SPPL2A: variants seen among roughly 807,000 people sequenced by gnomAD.
SPPL2A encodes the protein signal peptide peptidase like 2A, also known as signal peptide peptidase-like 2A.
A neutral mutation model predicts 63.8 loss-of-function variants in SPPL2A; 51 were observed. The ratio of observed to expected loss-of-function variants is 0.80; its 90% confidence interval spans 0.64 to 1.01. The LOEUF (loss-of-function observed/expected upper bound fraction) is 1.01. Among genes scored for constraint, SPPL2A ranks in the 50% least tolerant of loss-of-function variants. SPPL2A has a pLI of 0.00. For synonymous variants in SPPL2A, 188 were observed against 205.8 expected, an observed-to-expected ratio of 0.91 and a Z score of 0.74; for missense variants, 553 against 622.7, an observed-to-expected ratio of 0.89 and a Z score of 1.19.
At chr15:50,735,502 C>T (rs1230819755) in intron 8 of SPPL2A, among the ~76,000 whole-genome samples, 2 of 149,778 alleles carry the variant, frequency 1.3e-5, no homozygotes, top group African/African-American at 4.9e-5. Flanking sequence ...TGTATATATA[C>T]ACACACACAC....
rs373747856 is a variant in SPPL2A at position 50,748,728 on chromosome 15, C to T, written c.320G>A (p.Gly107Glu). ...FLEKARIAQK[G>E]GAEAMLVVNN... ...GACAACTAACATTGCTTCAGCACCTCCTTTCTGTGCAATTCTGGCTTTTTC... is the reference window on the plus strand; with the variant it reads ...GACAACTAACATTGCTTCAGCACCTTCTTTCTGTGCAATTCTGGCTTTTTC... The change falls in exon 3 of 15, where the codon GGA becomes GAA. Residue 107 changes from glycine (G) to glutamate (E), a missense_variant. Gly to Glu is a moderately conservative substitution (Grantham distance 98). Coordinates refer to ENST00000261854, the MANE Select transcript of SPPL2A (RefSeq NM_032802.4). 6.2e-7 allele frequency: 1 copy of T among 1,611,096 alleles called. No individual in the cohort carries two copies. The highest frequency in any genetic ancestry group is 8.5e-7 in the Non-Finnish European group (1 of 1,178,928).
At chr15:50,735,607 T>C (rs1436523582) in intron 8 of SPPL2A, among the ~76,000 whole-genome samples, 3 of 152,088 alleles carry the variant, frequency 2.0e-5, no homozygotes, top group Non-Finnish European at 4.4e-5. Flanking sequence ...TTGCCCAGGC[T>C]GGAGTGCAAT....
At chr15:50,736,366 G>C (rs1229714907) in intron 7 of SPPL2A, among the ~76,000 whole-genome samples, 164 bp from the exon 8 acceptor site, 1 of 152,158 alleles carries the variant, frequency 6.6e-6, no homozygotes, top group East Asian at 1.9e-4. Flanking sequence ...ATGTTTATCA[G>C]TCCAATATAA....
intron 14 of SPPL2A, among the ~76,000 whole-genome samples, chr15:50,712,176 C>G (rs914138808): frequency 6.6e-6 from 1 of 152,148 alleles, no homozygotes; most frequent in African/African-American, 2.4e-5. Flanking sequence ...ACAGCTAATA[C>G]TTAGTGAGGG....
At chr15:50,724,731 G>A (rs1255027526) in intron 12 of SPPL2A, among the ~76,000 whole-genome samples, 1 of 152,198 alleles carries the variant, frequency 6.6e-6, no homozygotes, top group Non-Finnish European at 1.5e-5. Context: ...TGTCAGAGCA[G>A]ACATGCTAAG....
rs1353253873 is a variant in SPPL2A at position 50,725,144 on chromosome 15, T to A, written c.1249+77A>T. On this transcript the variant is annotated intron_variant, in intron 12 of 14. Coordinates refer to ENST00000261854, the MANE Select transcript of SPPL2A (RefSeq NM_032802.4). ...ATAGTTAATACAGAGTAGGTAACTT[T>A]TAACAGATTCTATACATATGACGAT... The A allele has an allele frequency of 3.3e-6, 3 of 903,650 alleles. No homozygotes were observed. In the African/African-American group the frequency reaches 5.1e-5, roughly 15 times the overall value. 56.0% of individuals were successfully genotyped at this position (903,650 alleles called of 1,614,324 possible). A position where few individuals can be genotyped will look rare whatever the true frequency, so the allele number is the denominator to read the frequency against.
intron 1 of SPPL2A, among the ~76,000 whole-genome samples, chr15:50,765,005 G>T (rs761038336): frequency 1.3e-5 from 2 of 151,984 alleles, no homozygotes; most frequent in Admixed American, 1.3e-4. Flanking sequence ...AGACATCCGT[G>T]TTAGTGCAAT....
chr15:50,742,584 C>G (rs2062830933), intron 5 of SPPL2A: 3 of 152,040 alleles, frequency 2.0e-5, no homozygotes, highest in African/African-American at 7.2e-5. Flanking sequence ...AAATGATGGG[C>G]CTTATGTTTT....
At chr15:50,765,350 A>T in intron 1 of SPPL2A, 118 bp downstream of exon 1, 2 of 645,186 alleles carry the variant, frequency 3.1e-6, no homozygotes, top group Non-Finnish European at 4.9e-6. Flanking sequence ...GTGCGAGAGC[A>T]GGCCGCGGAG....
chr15:50,752,871 C>T (rs1407239247), intron 1 of SPPL2A, among the ~76,000 whole-genome samples: 1 of 152,062 alleles, frequency 6.6e-6, no homozygotes, highest in African/African-American at 2.4e-5. Context: ...GAAAGATACC[C>T]AGATCAGGAT....
At chr15:50,762,166 G>A (rs1050790485) in intron 1 of SPPL2A, among the ~76,000 whole-genome samples, 15 of 150,914 alleles carry the variant, frequency 9.9e-5, no homozygotes, top group South Asian at 4.2e-4. Context: ...TCAGGAGTTC[G>A]AGACCAGCCT....
At chr15:50,711,187 G>A (rs1001541768) in intron 14 of SPPL2A, among the ~76,000 whole-genome samples, 5 of 148,794 alleles carry the variant, frequency 3.4e-5, no homozygotes, top group Non-Finnish European at 1.5e-5. Flanking sequence ...TTTACAATTA[G>A]TATTTCCAAA....
chr15:50,718,954 C>T (rs2062621655), intron 14 of SPPL2A, among the ~76,000 whole-genome samples: 1 of 152,110 alleles, frequency 6.6e-6, no homozygotes, highest in Admixed American at 6.5e-5. Context: ...AGCTAACTGC[C>T]TCACAAAGTG....
intron 1 of SPPL2A, among the ~76,000 whole-genome samples, chr15:50,750,258 C>T (rs1001743863): frequency 6.6e-6 from 1 of 152,146 alleles, no homozygotes; most frequent in Non-Finnish European, 1.5e-5. Context: ...CGCGTGTTAC[C>T]ATGCCCAGCT....
chr15:50,755,062 G>T (rs548665615), intron 1 of SPPL2A, among the ~76,000 whole-genome samples: 1 of 152,096 alleles, frequency 6.6e-6, no homozygotes, highest in Non-Finnish European at 1.5e-5. Flanking sequence ...GCCCACACCT[G>T]TAATCCCAGC....
intron 13 of SPPL2A, among the ~76,000 whole-genome samples, chr15:50,721,090 T>G (rs2062642659): frequency 6.6e-6 from 1 of 152,044 alleles, no homozygotes; most frequent in Non-Finnish European, 1.5e-5. Context: ...CAGGCTGGAG[T>G]GCAGTGGTGC....
At position 50,717,130 on chromosome 15, in the gene SPPL2A, A is replaced by G. The variant is rs572046483; in HGVS notation, c.1488+2810T>C. 2.6e-5 allele frequency among the ~76,000 whole-genome samples: 4 copies of G among 152,036 alleles called. No individual in the cohort carries two copies. The East Asian group carries it at 7.7e-4, about 29-fold the overall frequency. ...CTCTTAACTTTGTTCACGTCTTTCCATCTCACTATTTTGCTAATTTAGGCT... is the reference window on the plus strand; with the variant it reads ...CTCTTAACTTTGTTCACGTCTTTCCGTCTCACTATTTTGCTAATTTAGGCT... On this transcript the variant is annotated intron_variant, in intron 14 of 14. Coordinates refer to ENST00000261854, the MANE Select transcript of SPPL2A (RefSeq NM_032802.4).
In SPPL2A at chr15:50,747,121, C is replaced by G. The variant is rs565293429; in HGVS notation, c.584+374G>C. Among the ~76,000 whole-genome samples the G allele has an allele frequency of 9.8e-5, 15 of 152,314 alleles. 1 individual carries two copies. The highest frequency in any genetic ancestry group is 3.6e-4 in the African/African-American group (15 of 41,564). On this transcript the variant is annotated intron_variant, in intron 5 of 14. Transcript: ENST00000261854. ...CATTAAACAGAATGATGAGGCCACA[C>G]TGTAATGACCCAGCCCAGGAGGAGC...
At chr15:50,764,964 G>T (rs978853692) in intron 1 of SPPL2A, among the ~76,000 whole-genome samples, 1 of 151,428 alleles carries the variant, frequency 6.6e-6, no homozygotes, top group Non-Finnish European at 1.5e-5. Flanking sequence ...AGGCGAAGCA[G>T]GAGCTACAGT....
Sources: allele counts gnomAD v4.1 joint callset (sites outside exome capture counted in the v4.1 genomes callset), GRCh38; gene constraint gnomAD v4.1.1; transcripts MANE v1.5; gene names NCBI Gene and HGNC (gene_info 2026-07-23, HGNC 2026-07-21).